RNF182: variants seen among roughly 807,000 people sequenced by gnomAD.
The protein encoded by RNF182 is ring finger protein 182, also known as E3 ubiquitin-protein ligase RNF182.
In RNF182, 15 loss-of-function variants were observed where a neutral mutation model predicts 14.4. The observed-to-expected ratio is 1.04, with a 90% confidence interval of 0.70 to 1.60. The LOEUF is 1.60. Ranked by LOEUF, RNF182 falls within the 40% of genes most tolerant of loss-of-function variation. The pLI, the probability that RNF182 is intolerant of heterozygous loss-of-function variation, is 0.00. For missense variants in RNF182, 268 were observed against 294.8 expected (o/e 0.91, Z 0.67); for synonymous variants, 128 against 122.9 (o/e 1.04, Z -0.27).
intron 1 of RNF182, among the ~76,000 whole-genome samples, chr6:13,939,955 T>C (rs1759246769): frequency 6.6e-6 from 1 of 152,266 alleles, no homozygotes; most frequent in Non-Finnish European, 1.5e-5. Context: ...CATCACTGTA[T>C]GTGATGAATA....
At chr6:13,936,360 A>G (rs1483063710) in intron 1 of RNF182, among the ~76,000 whole-genome samples, 1 of 152,230 alleles carries the variant, frequency 6.6e-6, no homozygotes, top group East Asian at 1.9e-4. Context: ...CAACAATTGG[A>G]CACATAATTA....
At chr6:13,958,344 C>A (rs1759782024) in intron 1 of RNF182, among the ~76,000 whole-genome samples, 1 of 152,006 alleles carries the variant, frequency 6.6e-6, no homozygotes, top group East Asian at 1.9e-4. Context: ...CGAGATTGCA[C>A]CACTGCACTC....
chr6:13,969,924 ATTCT>A (rs1203407884), intron 1 of RNF182, among the ~76,000 whole-genome samples: 2 of 152,152 alleles, frequency 1.3e-5, no homozygotes, highest in African/African-American at 4.8e-5. Context: ...AGCATACCAG[ATTCT>A]TTCCTCAGTG....
intron 1 of RNF182, among the ~76,000 whole-genome samples, chr6:13,943,368 G>C (rs1398022665): frequency 6.6e-6 from 1 of 151,148 alleles, no homozygotes; most frequent in Admixed American, 6.6e-5. Flanking sequence ...TGATCCTCCT[G>C]CCTCAGCCTT....
At chr6:13,931,633 A>G (rs1450600918) in intron 1 of RNF182, among the ~76,000 whole-genome samples, 1 of 149,156 alleles carries the variant, frequency 6.7e-6, no homozygotes, top group African/African-American at 2.5e-5. Flanking sequence ...TATATAGATC[A>G]CTGTGACCTT....
intron 1 of RNF182, among the ~76,000 whole-genome samples, chr6:13,936,768 C>A (rs1248504528): frequency 6.6e-6 from 1 of 152,134 alleles, no homozygotes; most frequent in Non-Finnish European, 1.5e-5. Context: ...TAATTGATGT[C>A]TATACTGGAT....
chr6:13,962,692 A>G (rs897711739), intron 1 of RNF182, among the ~76,000 whole-genome samples: 3 of 152,228 alleles, frequency 2.0e-5, no homozygotes, highest in Non-Finnish European at 4.4e-5. Context: ...TGTTTACAAC[A>G]TTTATTTTCC....
intron 1 of RNF182, among the ~76,000 whole-genome samples, chr6:13,934,835 A>G (rs7745956): frequency 0.18 from 27,650 of 152,226 alleles, 2,708 homozygotes; most frequent in Non-Finnish European, 0.21. Flanking sequence ...GTAAGGTAAC[A>G]TTTAAATAGG....
intron 1 of RNF182, among the ~76,000 whole-genome samples, chr6:13,928,867 C>T (rs1176610834): frequency 7.6e-6 from 1 of 131,794 alleles, no homozygotes; most frequent in Non-Finnish European, 1.6e-5. Context: ...GGTGGGGGTG[C>T]GGTGGTGGTG....
In RNF182 at chr6:13,977,303, A is replaced by T; in HGVS notation, c.184A>T (p.Ile62Phe). The T allele has an allele frequency of 6.2e-7, 1 of 1,614,210 alleles. No individual in the cohort carries two copies. Among genetic ancestry groups the T allele is most frequent in the Non-Finnish European group, 8.5e-7 (1 of 1,180,040 alleles). Residue 62 changes from isoleucine to phenylalanine, a missense_variant, in exon 3 of 3, where the codon ATT becomes TTT. Ile to Phe is a conservative substitution (Grantham distance 21, BLOSUM62 0). Transcript: ENST00000488300. ...CTTTGGGGACTCCCCACAAGGTGTC[A>T]TTGTCTGTCCTTTCTGCAGGTTTGA... ...IDFGDSPQGV[I>F]VCPFCRFETC...
intron 1 of RNF182, among the ~76,000 whole-genome samples, chr6:13,972,880 C>A (rs956345300): frequency 6.6e-5 from 10 of 152,358 alleles, no homozygotes; most frequent in Non-Finnish European, 8.8e-5. Flanking sequence ...TGAGTCCCCA[C>A]TGGGGCACTG....
chr6:13,945,050 G>T (rs1326737657), intron 1 of RNF182, among the ~76,000 whole-genome samples: 1 of 152,160 alleles, frequency 6.6e-6, no homozygotes, highest in African/African-American at 2.4e-5. Flanking sequence ...TCTTAGGGTG[G>T]AAATGCCCTC....
intron 1 of RNF182, among the ~76,000 whole-genome samples, chr6:13,931,262 G>A (rs1758960719): frequency 6.6e-6 from 1 of 152,154 alleles, no homozygotes; most frequent in South Asian, 2.1e-4. Context: ...TTTATACTGT[G>A]TTCTGGATTG....
At chr6:13,955,471 T>A (rs1282346066) in intron 1 of RNF182, among the ~76,000 whole-genome samples, 1 of 152,254 alleles carries the variant, frequency 6.6e-6, no homozygotes, top group Non-Finnish European at 1.5e-5. Context: ...GTGGGTTATG[T>A]TCCTCACATC....
At chr6:13,948,721 A>C (rs1191104146) in intron 1 of RNF182, among the ~76,000 whole-genome samples, 1 of 152,214 alleles carries the variant, frequency 6.6e-6, no homozygotes, top group Non-Finnish European at 1.5e-5. Flanking sequence ...ATGTTATAAA[A>C]TAGAATCTCA....
At chr6:13,944,423 G>T (rs144285432) in intron 1 of RNF182, among the ~76,000 whole-genome samples, 1 of 152,240 alleles carries the variant, frequency 6.6e-6, no homozygotes, top group Non-Finnish European at 1.5e-5. Flanking sequence ...TAGTGTGGAG[G>T]GTTGATGAAA....
chr6:13,925,182 C>T (rs1231211474), intron 1 of RNF182, 159 bp downstream of exon 1: 1 of 145,982 alleles, frequency 6.9e-6, no homozygotes, highest in African/African-American at 2.6e-5. Context: ...GCGCCGGGGC[C>T]CGCGCGCGGA....
Position 13,974,769 on chromosome 6 carries a change from G to T in RNF182, c.-212+405G>T, listed in dbSNP as rs149199072. 1.1e-3 allele frequency among the ~76,000 whole-genome samples: 171 copies of T among 152,316 alleles called. 1 individual carries two copies. The highest frequency in any genetic ancestry group is 5.9e-3 in the Admixed American group (90 of 15,296). ...AGCTTTCTGTACAAAATTTCTAGGT[G>T]TAATTTTGCCTAGTTATCTTCACTG... On this transcript the variant is annotated intron_variant, in intron 2 of 2. Transcript: ENST00000488300.
chr6:13,966,855 T>G (rs1046690442), intron 1 of RNF182, among the ~76,000 whole-genome samples: 1 of 149,730 alleles, frequency 6.7e-6, no homozygotes, highest in African/African-American at 2.5e-5. Flanking sequence ...TGTGTGTGTT[T>G]TCAAACATGC....
Sources: gnomAD v4.1 joint callset for allele counts (sites outside exome capture counted in the v4.1 genomes callset) on GRCh38, gnomAD v4.1.1 for gene constraint, MANE v1.5 for transcripts, NCBI Gene and HGNC (gene_info 2026-07-23, HGNC 2026-07-21) for gene names.